Variants in PCDH11X observed in about 807,000 individuals in gnomAD.
The protein encoded by PCDH11X is protocadherin 11 X-linked.
A neutral mutation model predicts 53.3 loss-of-function variants in PCDH11X; 18 were observed. The observed-to-expected ratio is 0.34, with a 90% CI of 0.23 to 0.50. PCDH11X has a LOEUF of 0.50. Among genes scored for constraint, PCDH11X ranks in the 20% least tolerant of loss-of-function variants. The probability of loss-of-function intolerance (pLI) is 0.98; values close to 1 mark genes in which losing one functional copy is unlikely to be tolerated. For missense variants in PCDH11X, 570 were observed against 1,032.4 expected, an observed-to-expected ratio of 0.55 and a Z score of 6.14; for synonymous variants, 279 against 393.3, an observed-to-expected ratio of 0.71 and a Z score of 3.44.
chrX:92,612,147 T>A (rs1006000122), intron 10 of PCDH11X, among the ~76,000 whole-genome samples: 9 of 111,261 alleles, frequency 8.1e-5, no homozygotes, highest in Non-Finnish European at 1.1e-4. Context: ...AATTTTTTTT[T>A]AAATAGTTTC....
chrX:92,271,426 T>A (rs2067955505), intron 8 of PCDH11X, among the ~76,000 whole-genome samples: 1 of 111,857 alleles, frequency 8.9e-6, no homozygotes, highest in South Asian at 3.7e-4. Context: ...AGGGGTTTAG[T>A]GAAAATGAAA....
chrX:91,954,628 T>C (rs1250498853), intron 6 of PCDH11X, among the ~76,000 whole-genome samples: 1 of 110,496 alleles, frequency 9.1e-6, no homozygotes, highest in Non-Finnish European at 1.9e-5. Context: ...TCTGTTGTTT[T>C]TTGAATTTTT....
chrX:91,847,422 A>G (rs925392205), intron 5 of PCDH11X, among the ~76,000 whole-genome samples: 1 of 111,529 alleles, frequency 9.0e-6, no homozygotes, highest in African/African-American at 3.3e-5. Context: ...TATATCATTT[A>G]TCCTCCAAAT....
Position 92,084,867 on chromosome X carries a change from T to G in PCDH11X, c.3034-116508T>G, listed in dbSNP as rs765622250. ...GTAAATGATCTTAGGCTACTTTCAT[T>G]AATACAGTCTGAGTCAATTATTCAT... On this transcript the variant is annotated intron_variant, in intron 6 of 10. Transcript: ENST00000682573. Among the ~76,000 whole-genome samples, 9 of 111,309 alleles carry G rather than the reference T, an allele frequency of 8.1e-5. No individual in the cohort carries two copies. The South Asian group carries it at 3.4e-3, about 41-fold the overall frequency.
intron 10 of PCDH11X, among the ~76,000 whole-genome samples, chrX:92,526,072 C>T (rs2074448134): frequency 9.0e-6 from 1 of 111,057 alleles, no homozygotes; most frequent in Non-Finnish European, 1.9e-5. Context: ...GAGTATCTGC[C>T]CTTAAAATAA....
chrX:92,271,063 C>T (rs1402879984), intron 8 of PCDH11X, among the ~76,000 whole-genome samples: 1 of 111,509 alleles, frequency 9.0e-6, no homozygotes, highest in Non-Finnish European at 1.9e-5. Context: ...ATAAGATAGC[C>T]AGAAAAAAAC....
chrX:91,971,091 G>C (rs2061953091), intron 6 of PCDH11X, among the ~76,000 whole-genome samples: 1 of 111,703 alleles, frequency 9.0e-6, no homozygotes, highest in Admixed American at 9.5e-5. Context: ...ATTTAATAAA[G>C]CATTACAGGA....
chrX:91,918,347 T>C (rs1348311909), intron 6 of PCDH11X, among the ~76,000 whole-genome samples: 2 of 108,701 alleles, frequency 1.8e-5, no homozygotes. Context: ...AGATCAAGTA[T>C]AAAAGTGTTG....
intron 6 of PCDH11X, among the ~76,000 whole-genome samples, chrX:91,963,759 T>A (rs1043747895): frequency 1.3e-4 from 14 of 111,297 alleles, no homozygotes; most frequent in South Asian, 7.7e-4. Flanking sequence ...AGGAAAAATA[T>A]TTAATCAACT....
At chrX:91,819,734 A>G (rs1442729971) in intron 4 of PCDH11X, among the ~76,000 whole-genome samples, 2 of 100,338 alleles carry the variant, frequency 2.0e-5, no homozygotes, top group African/African-American at 3.7e-5. Context: ...GGTTAGTTAC[A>G]TACGTATACA....
intron 5 of PCDH11X, among the ~76,000 whole-genome samples, chrX:91,853,318 A>G (rs1938138820): frequency 9.0e-6 from 1 of 110,505 alleles, no homozygotes; most frequent in African/African-American, 3.3e-5. Flanking sequence ...TACAGAAAAC[A>G]TATTTATTAT....
At chrX:92,215,073 C>A (rs952466156) in intron 7 of PCDH11X, among the ~76,000 whole-genome samples, 1 of 111,115 alleles carries the variant, frequency 9.0e-6, no homozygotes, top group Non-Finnish European at 1.9e-5. Flanking sequence ...GGGAAGCAGC[C>A]AAGATGGCCG....
intron 5 of PCDH11X, among the ~76,000 whole-genome samples, chrX:91,866,057 G>A (rs1197007631): frequency 4.5e-5 from 5 of 110,121 alleles, no homozygotes; most frequent in Admixed American, 1.9e-4. Context: ...CTAGGGCCTG[G>A]AATGGGGGCC....
chrX:92,256,037 C>T (rs1486314024), intron 7 of PCDH11X, among the ~76,000 whole-genome samples: 1 of 112,328 alleles, frequency 8.9e-6, no homozygotes, highest in Non-Finnish European at 1.9e-5. Context: ...CCCAGCCTCG[C>T]TGCCGCCTTG....
chrX:92,282,472 C>G (rs1364551219), intron 8 of PCDH11X, among the ~76,000 whole-genome samples: 2 of 111,569 alleles, frequency 1.8e-5, no homozygotes, highest in Non-Finnish European at 3.8e-5. Flanking sequence ...ATTGAAAAGC[C>G]TATATCGTTC....
At chrX:92,205,499 T>C (rs776896129) in intron 7 of PCDH11X, among the ~76,000 whole-genome samples, 1 of 110,921 alleles carries the variant, frequency 9.0e-6, no homozygotes, top group Non-Finnish European at 1.9e-5. Context: ...AACCTACCAG[T>C]ATGACATCAG....
chrX:92,426,780 G>A (rs1364336033), intron 9 of PCDH11X, among the ~76,000 whole-genome samples: 3 of 110,578 alleles, frequency 2.7e-5, no homozygotes, highest in Non-Finnish European at 5.7e-5. Context: ...AATACTAGAG[G>A]AAATAGTATA....
chrX:91,967,290 G>C (rs1427357409), intron 6 of PCDH11X, among the ~76,000 whole-genome samples: 1 of 110,223 alleles, frequency 9.1e-6, no homozygotes, highest in East Asian at 2.9e-4. Context: ...CCATGGACCG[G>C]TACCTATCCA....
At chrX:92,297,689 T>C (rs1346347352) in intron 8 of PCDH11X, among the ~76,000 whole-genome samples, 2 of 111,945 alleles carry the variant, frequency 1.8e-5, no homozygotes, top group East Asian at 2.8e-4. Flanking sequence ...AGGAATGTCT[T>C]TGTTAGTTTG....
Sources: gnomAD v4.1 joint callset for allele counts (sites outside exome capture counted in the v4.1 genomes callset) on GRCh38, gnomAD v4.1.1 for gene constraint, MANE v1.5 for transcripts, NCBI Gene and HGNC (gene_info 2026-07-23, HGNC 2026-07-21) for gene names.